Variants in CBLB observed in about 807,000 individuals in gnomAD.
The protein encoded by CBLB is E3 ubiquitin-protein ligase CBL-B.
A neutral mutation model predicts 104.9 loss-of-function variants in CBLB; 31 were observed. The observed-to-expected ratio is 0.30, with a 90% confidence interval of 0.22 to 0.40. CBLB has a LOEUF of 0.40. Among genes scored for constraint, CBLB ranks in the 10% least tolerant of loss-of-function variants. CBLB has a pLI of 1.00. For synonymous variants in CBLB, 440 were observed against 422.6 expected (o/e 1.04, Z -0.51); for missense variants, 1,062 against 1,214.6 (o/e 0.87, Z 1.87).
chr3:105,822,349 T>C (rs1388297049), intron 3 of CBLB, among the ~76,000 whole-genome samples: 2 of 152,146 alleles, frequency 1.3e-5, no homozygotes, highest in Non-Finnish European at 2.9e-5. Context: ...CTCTAAAAGC[T>C]CAGGTCCTAT....
intron 3 of CBLB, among the ~76,000 whole-genome samples, chr3:105,841,462 A>G (rs1381337287): frequency 6.6e-6 from 1 of 151,644 alleles, no homozygotes; most frequent in Non-Finnish European, 1.5e-5. Flanking sequence ...AGATATATAT[A>G]TATTTTTTGA....
chr3:105,802,807 T>G (rs1304699377), intron 3 of CBLB, among the ~76,000 whole-genome samples: 3 of 152,210 alleles, frequency 2.0e-5, no homozygotes, highest in African/African-American at 7.2e-5. Context: ...GACACTTAAT[T>G]TTCATTTAAT....
chr3:105,659,652 T>C (rs2063587709), intron 18 of CBLB, among the ~76,000 whole-genome samples: 1 of 152,174 alleles, frequency 6.6e-6, no homozygotes, highest in Non-Finnish European at 1.5e-5. Context: ...GAGGTTTCTA[T>C]GAGAGGAAAC....
chr3:105,683,338 A>C (rs1200752646), intron 14 of CBLB, among the ~76,000 whole-genome samples: 1 of 152,250 alleles, frequency 6.6e-6, no homozygotes, highest in Admixed American at 6.5e-5. Flanking sequence ...TACTTCATCC[A>C]TCAGCTTTCA....
intron 17 of CBLB, chr3:105,672,954 T>C (rs1347679433): frequency 6.6e-6 from 1 of 151,864 alleles, no homozygotes; most frequent in Non-Finnish European, 1.5e-5. Context: ...GAAATAAATT[T>C]TACATAAATG....
rs372774520 is a variant in CBLB, at chr3:105,691,620, T to C, written c.2054+1874A>G. Among the ~76,000 whole-genome samples the C allele has an allele frequency of 9.2e-4, 140 of 152,312 alleles. 1 individual carries two copies. The highest frequency in any genetic ancestry group is 2.8e-3 in the Admixed American group (43 of 15,304). ...GTTATCAAAGGTAATTGAGCTTAGATGTTTTATTACATGCACATATATCCA... is the reference window on the plus strand; with the variant it reads ...GTTATCAAAGGTAATTGAGCTTAGACGTTTTATTACATGCACATATATCCA... On this transcript the variant is annotated intron_variant, in intron 13 of 18. Coordinates refer to ENST00000394030, the MANE Select transcript of CBLB (RefSeq NM_170662.5).
At position 105,655,531 on chromosome 3, in the gene CBLB, G is replaced by C. The variant is rs895807031; in HGVS notation, c.*3439C>G. 1 of 177,282 alleles carries C rather than the reference G, an allele frequency of 5.6e-6. No individual in the cohort carries two copies. The highest frequency in any genetic ancestry group is 1.2e-5 in the Non-Finnish European group (1 of 82,644). 11.0% of individuals were successfully genotyped at this position (177,282 alleles called of 1,614,324 possible). ...AGTACTTGAGGTTACATAATAACCA[G>C]AATTGAAAAGGAATGAATAAAATAT... is the stretch of plus-strand genomic sequence containing the variant. On this transcript the variant is annotated 3_prime_UTR_variant, in exon 19 of 19. Transcript: ENST00000394030.
intron 4 of CBLB, among the ~76,000 whole-genome samples, chr3:105,765,587 G>C (rs749088310): frequency 3.3e-5 from 5 of 152,122 alleles, no homozygotes; most frequent in Non-Finnish European, 7.4e-5. Flanking sequence ...ATGACTTTAA[G>C]TTGAACACAA....
chr3:105,842,017 GA>G (rs1261273271), intron 3 of CBLB, among the ~76,000 whole-genome samples: 81 of 134,076 alleles, frequency 6.0e-4, no homozygotes, highest in Admixed American at 8.1e-4. Context: ...TTCCTCTGGA[GA>G]AAAAAAAAAA....
chr3:105,845,065 T>G (rs1410694721), intron 3 of CBLB, among the ~76,000 whole-genome samples: 2 of 152,126 alleles, frequency 1.3e-5, no homozygotes, highest in Non-Finnish European at 2.9e-5. Context: ...CACCAGATAT[T>G]TACTGAAAGG....
intron 3 of CBLB, among the ~76,000 whole-genome samples, chr3:105,804,992 C>T (rs769532506): frequency 4.6e-5 from 7 of 152,108 alleles, no homozygotes; most frequent in Non-Finnish European, 1.0e-4. Flanking sequence ...CTTCCATACC[C>T]ACCACCACAG....
chr3:105,754,523 CAGAGAGAG>C lies in CBLB; in HGVS notation c.567-2913_567-2906del, dbSNP rs1207514486. ...AGAGAGAGAGAGAGAGAGAGAGAGA[CAGAGAGAG>C]AGAGAGAGAGAGAGAGAGAGAGAGA... On this transcript the variant is annotated intron_variant, in intron 4 of 18. Transcript: ENST00000394030. 4.2e-3 allele frequency among the ~76,000 whole-genome samples: 433 copies of C among 102,768 alleles called. 7 individuals carry two copies. Among genetic ancestry groups the C allele is most frequent in the African/African-American group, 8.6e-3 (224 of 26,092 alleles). The allele number at this position is 102,768 out of a possible 152,430, so 67.4% of individuals were successfully genotyped here.
intron 3 of CBLB, among the ~76,000 whole-genome samples, chr3:105,792,213 CTTTA>C (rs1351465594): frequency 1.3e-5 from 2 of 152,142 alleles, no homozygotes; most frequent in Non-Finnish European, 2.9e-5. Flanking sequence ...TCAAAAGATC[CTTTA>C]TTTTTCATTG....
intron 3 of CBLB, among the ~76,000 whole-genome samples, chr3:105,777,233 C>T (rs1265192555): frequency 2.6e-5 from 4 of 152,158 alleles, no homozygotes; most frequent in African/African-American, 7.2e-5. Context: ...GCTTGCCACT[C>T]CTACCTAAAT....
At chr3:105,758,106 A>G (rs1234261554) in intron 4 of CBLB, among the ~76,000 whole-genome samples, 5 of 152,148 alleles carry the variant, frequency 3.3e-5, no homozygotes, top group Non-Finnish European at 1.5e-5. Context: ...TTCTTTTATC[A>G]TGACTCCATT....
rs535211651 is a variant in CBLB at position 105,854,853 on chromosome 3, G to A, written c.169-1189C>T. 5.3e-5 allele frequency among the ~76,000 whole-genome samples: 8 copies of A among 151,940 alleles called. No homozygotes were observed. The South Asian group carries it at 8.3e-4, about 16-fold the overall frequency. ...TCACCATCTTTGTCAGGCTGGTCTC[G>A]AACTCCTGACCTTGTGATCCACCCG... On this transcript the variant is annotated intron_variant, in intron 2 of 18. Transcript: ENST00000394030.
chr3:105,731,254 T>C (rs891328347), intron 9 of CBLB, among the ~76,000 whole-genome samples: 2 of 152,190 alleles, frequency 1.3e-5, no homozygotes, highest in African/African-American at 4.8e-5. Context: ...CTACTGCAAA[T>C]AGTTCACAAA....
intron 18 of CBLB, among the ~76,000 whole-genome samples, chr3:105,661,677 T>C (rs184892447): frequency 1.3e-5 from 2 of 152,298 alleles, no homozygotes; most frequent in East Asian, 1.9e-4. Flanking sequence ...ATGAATACTA[T>C]GACGAATGCC....
chr3:105,703,099 T>C (rs1348915350), intron 11 of CBLB, among the ~76,000 whole-genome samples: 2 of 151,866 alleles, frequency 1.3e-5, no homozygotes, highest in East Asian at 1.9e-4. Context: ...CATAGAAATA[T>C]AAAGGTATAG....
Sources: gnomAD v4.1 joint callset for allele counts (sites outside exome capture counted in the v4.1 genomes callset) on GRCh38, gnomAD v4.1.1 for gene constraint, MANE v1.5 for transcripts, NCBI Gene and HGNC (gene_info 2026-07-23, HGNC 2026-07-21) for gene names.